UTRN: variants seen among roughly 807,000 people sequenced by gnomAD.
The protein encoded by UTRN is utrophin, also known as dystrophin-related protein 1.
In UTRN, 283 loss-of-function variants were observed where a neutral mutation model predicts 463.9. The ratio of observed to expected loss-of-function variants is 0.61; its 90% confidence interval spans 0.55 to 0.67. UTRN has a LOEUF of 0.67. Among genes scored for constraint, UTRN ranks in the 30% least tolerant of loss-of-function variants. UTRN has a pLI of 0.00. For synonymous variants in UTRN, 1,442 were observed against 1,431.5 expected (o/e 1.01, Z -0.17); for missense variants, 3,922 against 4,084.3 (o/e 0.96, Z 1.08).
At chr6:144,445,559 T>C (rs1054292069) in intron 14 of UTRN, among the ~76,000 whole-genome samples, 14 of 145,058 alleles carry the variant, frequency 9.7e-5, no homozygotes, top group Non-Finnish European at 1.5e-4. Flanking sequence ...AATGACTACT[T>C]CCCCCCCCGC....
At chr6:144,340,847 T>G (rs1035321476) in intron 2 of UTRN, among the ~76,000 whole-genome samples, 1 of 152,220 alleles carries the variant, frequency 6.6e-6, no homozygotes, top group Non-Finnish European at 1.5e-5. Flanking sequence ...AGCGCCCCCC[T>G]ATTGATCTTT....
intron 61 of UTRN, among the ~76,000 whole-genome samples, chr6:144,784,156 G>A (rs1469303203): frequency 1.3e-5 from 2 of 152,144 alleles, no homozygotes. Context: ...ATAGAATATG[G>A]TAGAGGTATA....
At chr6:144,686,215 G>A (rs1198493296) in intron 52 of UTRN, among the ~76,000 whole-genome samples, 1 of 151,986 alleles carries the variant, frequency 6.6e-6, no homozygotes, top group Non-Finnish European at 1.5e-5. Flanking sequence ...TAAGTATTTG[G>A]CTGTATTTCT....
chr6:144,360,659 C>T (rs1779003187), intron 2 of UTRN, among the ~76,000 whole-genome samples: 1 of 152,184 alleles, frequency 6.6e-6, no homozygotes, highest in Admixed American at 6.5e-5. Context: ...AGTGTCAGCG[C>T]CCAGCAACCC....
intron 26 of UTRN, among the ~76,000 whole-genome samples, chr6:144,480,739 A>G (rs1425030045): frequency 6.6e-6 from 1 of 152,188 alleles, no homozygotes; most frequent in African/African-American, 2.4e-5. Context: ...GTGTTTTCAA[A>G]GCTTTTTTTT....
intron 41 of UTRN, among the ~76,000 whole-genome samples, chr6:144,528,031 G>GTTTTTTT (rs1562528648): frequency 1.2e-5 from 1 of 85,750 alleles, no homozygotes. Flanking sequence ...AAGCTAGTGT[G>GTTTTTTT]ATTTTTTTTT....
At chr6:144,758,098 T>A (rs1337920213) in intron 58 of UTRN, 109 bp downstream of exon 58, 1 of 877,438 alleles carries the variant, frequency 1.1e-6, no homozygotes, top group Non-Finnish European at 1.7e-6. Flanking sequence ...AGTCCTATTA[T>A]CTGAAAGAAA....
At chr6:144,784,747 C>T (rs1205368616) in intron 61 of UTRN, among the ~76,000 whole-genome samples, 1 of 152,210 alleles carries the variant, frequency 6.6e-6, no homozygotes, top group Non-Finnish European at 1.5e-5. Flanking sequence ...CACAGTTCCA[C>T]TTGCCTCCAT....
At chr6:144,644,722 A>G (rs964628606) in intron 51 of UTRN, among the ~76,000 whole-genome samples, 2 of 152,210 alleles carry the variant, frequency 1.3e-5, no homozygotes, top group African/African-American at 4.8e-5. Context: ...TTAAAGAGTA[A>G]TAATAAATTT....
intron 2 of UTRN, among the ~76,000 whole-genome samples, chr6:144,349,567 C>A (rs1777929063): frequency 6.6e-6 from 1 of 152,116 alleles, no homozygotes; most frequent in African/African-American, 2.4e-5. Flanking sequence ...ATTATAAAAA[C>A]CTAGTCTGTT....
intron 9 of UTRN, among the ~76,000 whole-genome samples, chr6:144,431,342 T>G (rs1299464126): frequency 6.6e-6 from 1 of 152,206 alleles, no homozygotes; most frequent in Non-Finnish European, 1.5e-5. Context: ...CATTTGCTAT[T>G]TGATTAAGTG....
intron 2 of UTRN, among the ~76,000 whole-genome samples, chr6:144,361,362 A>G (rs1779061479): frequency 6.6e-6 from 1 of 152,156 alleles, no homozygotes; most frequent in African/African-American, 2.4e-5. Flanking sequence ...TTTTGAGCTA[A>G]TTATTAATGC....
Position 144,774,355 on chromosome 6 carries a change from G to A in UTRN, c.8623G>A (p.Ala2875Thr), listed in dbSNP as rs148498903. ...TAIKIRRLQK[A>T]LCLDLLELST... ...AATCAAAATCCGAAGACTACAAAAA[G>A]CACTATGTTGTGAGTTATTCTACCA... The change falls in exon 60 of 75, where the codon GCA (alanine) becomes ACA (threonine). Residue 2875 changes from alanine to threonine, a missense_variant. Around this residue, in one of 3 missense-constraint regions of UTRN, gnomAD observed 1,309 missense variants for 1,452.6 expected, o/e 0.90. Transcript: ENST00000367545. The A allele has an allele frequency of 8.2e-5, 131 of 1,595,950 alleles. No homozygotes were observed. The African/African-American group carries it at 1.7e-3, about 20-fold the overall frequency.
intron 2 of UTRN, among the ~76,000 whole-genome samples, chr6:144,314,154 T>C (rs559679969): frequency 2.6e-5 from 4 of 152,226 alleles, no homozygotes; most frequent in African/African-American, 9.6e-5. Flanking sequence ...TAAATGGCAG[T>C]TTGCCCAGAC....
chr6:144,485,574 G>A, intron 28 of UTRN, 55 bp downstream of exon 28: 1 of 1,603,896 alleles, frequency 6.2e-7, no homozygotes, highest in Non-Finnish European at 8.5e-7. Flanking sequence ...GGCCACACGT[G>A]TATTACAATG....
At chr6:144,680,248 A>G (rs1408387588) in intron 52 of UTRN, among the ~76,000 whole-genome samples, 6 of 152,170 alleles carry the variant, frequency 3.9e-5, no homozygotes, top group Admixed American at 3.9e-4. Flanking sequence ...GACCTATATC[A>G]TAAACAGATC....
chr6:144,803,421 G>A (rs536703232), intron 65 of UTRN, among the ~76,000 whole-genome samples: 3 of 151,796 alleles, frequency 2.0e-5, no homozygotes, highest in East Asian at 3.9e-4. Context: ...ACTATGTAAC[G>A]AAAAATCATG....
intron 52 of UTRN, among the ~76,000 whole-genome samples, chr6:144,697,693 G>T (rs1206819703): frequency 2.6e-5 from 4 of 152,074 alleles, no homozygotes; most frequent in Non-Finnish European, 5.9e-5. Flanking sequence ...TTTTCTTTTT[G>T]ATTTCAAAGC....
intron 54 of UTRN, among the ~76,000 whole-genome samples, chr6:144,739,017 G>A (rs1789754430): frequency 6.6e-6 from 1 of 152,298 alleles, no homozygotes; most frequent in Non-Finnish European, 1.5e-5. Context: ...GAATGTATAT[G>A]TGATGAATAG....
Sources: gnomAD v4.1 joint callset for allele counts (sites outside exome capture counted in the v4.1 genomes callset) on GRCh38, gnomAD v4.1.1 for gene constraint, gnomAD v4.1.1 regional missense constraint, MANE v1.5 for transcripts, NCBI Gene and HGNC (gene_info 2026-07-23, HGNC 2026-07-21) for gene names.